Variants in RCOR3 observed in about 807,000 individuals in gnomAD.
RCOR3 encodes the protein REST corepressor 3.
Under a neutral mutation model 64.1 loss-of-function variants are expected in RCOR3, and 13 were observed. That is an observed-to-expected ratio of 0.20 (90% confidence interval 0.13 to 0.32). The LOEUF (loss-of-function observed/expected upper bound fraction) is 0.32, where lower values mean the gene tolerates loss of function less well. RCOR3 is among the 10% of genes least tolerant of loss of function. The pLI is 1.00. For synonymous variants in RCOR3, 215 were observed against 239.0 expected, an observed-to-expected ratio of 0.90 and a Z score of 0.93; for missense variants, 489 against 701.2, an observed-to-expected ratio of 0.70 and a Z score of 3.42.
At chr1:211,293,317 G>A (rs1699468262) in intron 8 of RCOR3, among the ~76,000 whole-genome samples, 1 of 151,936 alleles carries the variant, frequency 6.6e-6, no homozygotes, top group Non-Finnish European at 1.5e-5. Context: ...AGGCATATAT[G>A]GTCATTTTGT....
chr1:211,289,664 T>A (rs952505313), intron 8 of RCOR3, among the ~76,000 whole-genome samples: 3 of 152,228 alleles, frequency 2.0e-5, no homozygotes, highest in African/African-American at 4.8e-5. Flanking sequence ...AAATCGGGGA[T>A]AATAATCATT....
chr1:211,269,348 A>G (rs2102458130), intron 2 of RCOR3, among the ~76,000 whole-genome samples: 1 of 152,300 alleles, frequency 6.6e-6, no homozygotes, highest in Admixed American at 6.5e-5. Flanking sequence ...CTGTAATCCC[A>G]GCACTTTGGG....
intron 2 of RCOR3, among the ~76,000 whole-genome samples, chr1:211,262,083 G>A (rs1694424197): frequency 2.0e-5 from 2 of 100,690 alleles, no homozygotes; most frequent in African/African-American, 7.8e-5. Context: ...TGTCGCCCAG[G>A]CTGGAGTGCA....
At chr1:211,276,469 CT>C in intron 5 of RCOR3, 51 bp downstream of exon 5, 1 of 1,478,702 alleles carries the variant, frequency 6.8e-7, no homozygotes. Context: ...ATATCTTAAG[CT>C]ACTATTAAAC....
chr1:211,259,398 C>G lies in RCOR3; in HGVS notation c.-163C>G, dbSNP rs1454557486. 3.2e-6 allele frequency: 2 copies of G among 615,408 alleles called. No homozygotes were observed. Among genetic ancestry groups the G allele is most frequent in the East Asian group, 3.4e-5 (1 of 29,258 alleles). 38.1% of individuals were successfully genotyped at this position (615,408 alleles called of 1,614,324 possible). ...TGAGGCGACTGCGCTACTGCCGGAG[C>G]GGGGCGGTTATGGCGGCTCCATATT... On this transcript the variant is annotated 5_prime_UTR_variant, in exon 1 of 12. Coordinates refer to ENST00000419091, the MANE Select transcript of RCOR3 (RefSeq NM_001136223.3).
chr1:211,279,369 AG>A, intron 7 of RCOR3, 53 bp downstream of exon 7: 1 of 1,339,030 alleles, frequency 7.5e-7, no homozygotes, highest in Non-Finnish European at 1.1e-6. Context: ...CTGCTGAAAA[AG>A]AATGAACAGT....
In RCOR3 at chr1:211,313,398, G is replaced by T; in HGVS notation, c.1318-26G>T. On this transcript the variant is annotated intron_variant, in intron 11 of 11. Transcript: ENST00000419091. The surrounding 1 kb of genome is among the most constrained non-coding windows in gnomAD (Gnocchi z 4.7). ...GTTCATTAGGACTTACATCTCATACGTGTATTTTTGTTTCCTCACCTCTAG... is the reference window on the plus strand; with the variant it reads ...GTTCATTAGGACTTACATCTCATACTTGTATTTTTGTTTCCTCACCTCTAG... The T allele has an allele frequency of 1.3e-6, 2 of 1,595,838 alleles. No individual in the cohort carries two copies. The highest frequency in any genetic ancestry group is 1.7e-6 in the Non-Finnish European group (2 of 1,168,758).
At chr1:211,296,463 A>G (rs1467828386) in intron 9 of RCOR3, among the ~76,000 whole-genome samples, 1 of 152,088 alleles carries the variant, frequency 6.6e-6, no homozygotes, top group Non-Finnish European at 1.5e-5. Flanking sequence ...GTGATAATCA[A>G]ATAATCTTAT....
rs184473468 is a variant in RCOR3, at chr1:211,266,984, G to T, written c.224-4248G>T. On this transcript the variant is annotated intron_variant, in intron 2 of 11. Transcript: ENST00000419091. ...CCGTTTTTGAGATACAGCCCCTTGA[G>T]GATTTATTCATTTATTTTGTAGTTG... Among the ~76,000 whole-genome samples the T allele has an allele frequency of 5.3e-5, 8 of 152,272 alleles. No homozygotes were observed. In the East Asian group the frequency reaches 1.5e-3, roughly 29 times the overall value.
At chr1:211,281,433 C>T (rs1697795715) in intron 7 of RCOR3, among the ~76,000 whole-genome samples, 1 of 152,120 alleles carries the variant, frequency 6.6e-6, no homozygotes, top group African/African-American at 2.4e-5. Context: ...AGTTTTCTCT[C>T]CGATTATCTC....
At chr1:211,299,497 A>T (rs189434495) in intron 9 of RCOR3, among the ~76,000 whole-genome samples, 1 of 152,344 alleles carries the variant, frequency 6.6e-6, no homozygotes, top group African/African-American at 2.4e-5. Flanking sequence ...GGTAGACGAC[A>T]TCCTTTCATT....
At position 211,294,888 on chromosome 1, in the gene RCOR3, C is replaced by CT. The variant is rs1395979474; in HGVS notation, c.940-781dup. Among the ~76,000 whole-genome samples the CT allele has an allele frequency of 3.9e-5, 6 of 151,960 alleles. No individual in the cohort carries two copies. In the East Asian group the frequency reaches 1.2e-3, roughly 29 times the overall value. On this transcript the variant is annotated intron_variant, in intron 8 of 11. Coordinates refer to ENST00000419091, the MANE Select transcript of RCOR3 (RefSeq NM_001136223.3). ...ACAGGCGTGAGCCACCGCACCCAGC[C>CT]TTTTTTTAAGACAGGGTCTTGCTTT...
At chr1:211,277,105 A>C (rs547816770) in intron 5 of RCOR3, among the ~76,000 whole-genome samples, 25 of 151,358 alleles carry the variant, frequency 1.7e-4, no homozygotes, top group Non-Finnish European at 2.7e-4. Flanking sequence ...AACAAAAAAA[A>C]CAAAAAAACA....
In RCOR3 at chr1:211,290,576, CTA is replaced by C. The variant is rs1699130511; in HGVS notation, c.939+1182_939+1183del. On this transcript the variant is annotated intron_variant, in intron 8 of 11. Transcript: ENST00000419091. ...AATTTTTTGTAGAGAAACGTTCTTG[CTA>C]TGTTACCCAGGCTTGTCTCAAACTC... 3.3e-5 allele frequency among the ~76,000 whole-genome samples: 5 copies of C among 152,070 alleles called. No homozygotes were observed. The South Asian group carries it at 8.3e-4, about 25-fold the overall frequency.
chr1:211,272,398 A>G (rs1292467934), intron 3 of RCOR3, among the ~76,000 whole-genome samples: 2 of 152,154 alleles, frequency 1.3e-5, no homozygotes, highest in Non-Finnish European at 2.9e-5. Context: ...ACAATGGTTC[A>G]TTTCTTAGCA....
At chr1:211,262,216 T>G (rs971062315) in intron 2 of RCOR3, among the ~76,000 whole-genome samples, 10 of 151,360 alleles carry the variant, frequency 6.6e-5, no homozygotes, top group Admixed American at 5.3e-4. Flanking sequence ...TTTTGTATTT[T>G]TAGTAGAGAT....
chr1:211,292,620 T>A (rs7538692), intron 8 of RCOR3, among the ~76,000 whole-genome samples: 75,035 of 152,038 alleles, frequency 0.49, 21,164 homozygotes, highest in East Asian at 0.62. Flanking sequence ...TACTTTTATG[T>A]CACAAACATC....
At chr1:211,308,768 G>A (rs370028493) in intron 10 of RCOR3, among the ~76,000 whole-genome samples, 3,912 of 90,252 alleles carry the variant, frequency 0.043, 190 homozygotes, top group African/African-American at 0.11. Context: ...CTGGAGCACA[G>A]TGTCAGTATC....
At chr1:211,259,811 C>T (rs1693866967) in intron 1 of RCOR3, 85 bp downstream of exon 1, 2 of 1,196,326 alleles carry the variant, frequency 1.7e-6, no homozygotes, top group Non-Finnish European at 1.1e-6. Flanking sequence ...GCCGCTCTCC[C>T]GCCCTCCCTC....
Sources: allele counts gnomAD v4.1 joint callset (sites outside exome capture counted in the v4.1 genomes callset), GRCh38; gene constraint gnomAD v4.1.1; non-coding constraint Gnocchi (gnomAD v3.1); transcripts MANE v1.5; gene names NCBI Gene and HGNC (gene_info 2026-07-23, HGNC 2026-07-21).